The following CNTN4 variants were observed in gnomAD, a reference collection of about 807,000 sequenced individuals.
CNTN4 encodes the protein contactin-4.
A neutral mutation model predicts 122.5 loss-of-function variants in CNTN4; 77 were observed. That is an observed-to-expected ratio of 0.63 (90% CI 0.52 to 0.76). The LOEUF is 0.76. CNTN4 is among the 30% of genes least tolerant of loss of function. The probability of loss-of-function intolerance (pLI) is 0.00; values close to 1 mark genes in which losing one functional copy is unlikely to be tolerated. For missense variants in CNTN4, 1,256 were observed against 1,259.1 expected (o/e 1.00, Z 0.04); for synonymous variants, 512 against 447.0 (o/e 1.15, Z -1.83).
intron 14 of CNTN4, among the ~76,000 whole-genome samples, chr3:3,021,803 G>C (rs891519410): frequency 1.6e-4 from 25 of 152,226 alleles, no homozygotes; most frequent in Non-Finnish European, 1.6e-4. Context: ...CTATCAGCCA[G>C]GTATGGCGGC....
chr3:2,365,474 A>G (rs1344714753), intron 3 of CNTN4, among the ~76,000 whole-genome samples: 1 of 152,220 alleles, frequency 6.6e-6, no homozygotes, highest in African/African-American at 2.4e-5. Context: ...CATTGAACAC[A>G]AATTTATCTT....
chr3:2,200,777 G>T (rs780914572), intron 2 of CNTN4, among the ~76,000 whole-genome samples: 2 of 152,130 alleles, frequency 1.3e-5, no homozygotes, highest in African/African-American at 2.4e-5. Context: ...CTTCTCTCCT[G>T]GTCCTGAATG....
chr3:2,998,287 G>A (rs9827560), intron 14 of CNTN4, among the ~76,000 whole-genome samples: 17,079 of 152,098 alleles, frequency 0.11, 2,873 homozygotes, highest in African/African-American at 0.37. Context: ...TAGTCAAAAG[G>A]TACAAAAGAC....
chr3:2,856,038 C>A (rs1390766098), intron 7 of CNTN4, among the ~76,000 whole-genome samples: 1 of 152,142 alleles, frequency 6.6e-6, no homozygotes, highest in East Asian at 1.9e-4. Context: ...CAAGCGACTT[C>A]TTTCTCAACT....
intron 2 of CNTN4, among the ~76,000 whole-genome samples, chr3:2,163,544 T>C (rs1377542724): frequency 6.6e-6 from 1 of 151,798 alleles, no homozygotes; most frequent in Non-Finnish European, 1.5e-5. Flanking sequence ...GCAAAAGAAA[T>C]AGTCAGCAAG....
chr3:2,555,483 G>T (rs965959782), intron 3 of CNTN4, among the ~76,000 whole-genome samples: 2 of 152,172 alleles, frequency 1.3e-5, no homozygotes, highest in East Asian at 3.8e-4. Flanking sequence ...AAAGACAAAG[G>T]TTAGAATATT....
intron 2 of CNTN4, among the ~76,000 whole-genome samples, chr3:2,214,339 T>C (rs2038744334): frequency 6.6e-6 from 1 of 152,112 alleles, no homozygotes; most frequent in Admixed American, 6.6e-5. Context: ...AGACACCTGA[T>C]GAGTAGATTA....
At chr3:2,760,608 AT>A (rs1482930120) in intron 6 of CNTN4, among the ~76,000 whole-genome samples, 1 of 152,182 alleles carries the variant, frequency 6.6e-6, no homozygotes, top group African/African-American at 2.4e-5. Context: ...AAGTTTTGAA[AT>A]TGGGAGGCAG....
chr3:2,688,227 A>G (rs777451112), intron 4 of CNTN4, among the ~76,000 whole-genome samples: 3 of 152,108 alleles, frequency 2.0e-5, no homozygotes, highest in Non-Finnish European at 4.4e-5. Context: ...ATTTCTACCT[A>G]TTGAGAGAAA....
chr3:3,043,401 G>A (rs1700340268), intron 22 of CNTN4, among the ~76,000 whole-genome samples, 191 bp from the exon 23 acceptor site: 1 of 152,118 alleles, frequency 6.6e-6, no homozygotes, highest in Admixed American at 6.6e-5. Flanking sequence ...AGCTATAAAT[G>A]TTAGGCGACC....
intron 2 of CNTN4, among the ~76,000 whole-genome samples, chr3:2,335,555 C>T (rs1011823936): frequency 3.4e-5 from 5 of 147,368 alleles, no homozygotes; most frequent in Non-Finnish European, 5.9e-5. Flanking sequence ...TAAAGCAGCA[C>T]AAAAGCGGCC....
At chr3:2,330,492 G>A (rs912323958) in intron 2 of CNTN4, among the ~76,000 whole-genome samples, 1 of 152,088 alleles carries the variant, frequency 6.6e-6, no homozygotes, top group African/African-American at 2.4e-5. Flanking sequence ...AGATTCCAGG[G>A]ATTTTAGGAG....
intron 2 of CNTN4, among the ~76,000 whole-genome samples, chr3:2,192,780 C>T (rs1047854310): frequency 2.6e-5 from 4 of 152,102 alleles, no homozygotes; most frequent in African/African-American, 9.7e-5. Context: ...TTCTCTTCTA[C>T]TTTCTAACTT....
intron 3 of CNTN4, among the ~76,000 whole-genome samples, chr3:2,464,711 G>A (rs1351633889): frequency 6.6e-6 from 1 of 152,202 alleles, no homozygotes; most frequent in Non-Finnish European, 1.5e-5. Flanking sequence ...GACTACAGTT[G>A]AGACACTCTG....
At position 2,922,686 on chromosome 3, in the gene CNTN4, C is replaced by A. The variant is rs1438411135; in HGVS notation, c.1208-2943C>A. On this transcript the variant is annotated intron_variant, in intron 12 of 24. Coordinates refer to ENST00000418658, the MANE Select transcript of CNTN4 (RefSeq NM_175607.3). ...GGAGTGCAGTGGCACGATCTTGGCT[C>A]ACTGCAATCTCCACCTCCCAGGTTA... Among the ~76,000 whole-genome samples, 5 of 140,512 alleles carry A rather than the reference C, an allele frequency of 3.6e-5. No individual in the cohort carries two copies. In the East Asian group the frequency reaches 1.1e-3, roughly 30 times the overall value. 92.2% of individuals were successfully genotyped at this position (140,512 alleles called of 152,430 possible).
rs1022299057 is a variant in CNTN4 at position 2,662,747 on chromosome 3, C to G, written c.56-73468C>G. On this transcript the variant is annotated intron_variant, in intron 4 of 24. Coordinates refer to ENST00000418658, the MANE Select transcript of CNTN4 (RefSeq NM_175607.3). ...AAGGGCAATCATGGCACTATTGACA[C>G]CCTACGAAAAGTATGATATGGCAAG... is the stretch of plus-strand genomic sequence containing the variant. Among the ~76,000 whole-genome samples, 7 of 152,206 alleles carry G rather than the reference C, an allele frequency of 4.6e-5. 1 individual carries two copies. The highest frequency in any genetic ancestry group is 3.9e-4 in the East Asian group (2 of 5,182).
At chr3:2,428,806 G>T (rs2047945255) in intron 3 of CNTN4, among the ~76,000 whole-genome samples, 1 of 151,964 alleles carries the variant, frequency 6.6e-6, no homozygotes, top group Non-Finnish European at 1.5e-5. Context: ...TTCTCTTCTT[G>T]CTTCATTTCA....
chr3:2,840,613 G>A (rs1421749953), intron 7 of CNTN4, among the ~76,000 whole-genome samples: 2 of 121,806 alleles, frequency 1.6e-5, no homozygotes, highest in Non-Finnish European at 3.6e-5. Context: ...GCGGGAGAAT[G>A]GCGGGAACCC....
chr3:2,170,407 A>AAACTT (rs2036449982), intron 2 of CNTN4, among the ~76,000 whole-genome samples: 1 of 152,218 alleles, frequency 6.6e-6, no homozygotes, highest in African/African-American at 2.4e-5. Flanking sequence ...TAAACTTAGG[A>AAACTT]AACTTAGGAA....
Sources: allele counts gnomAD v4.1 joint callset (sites outside exome capture counted in the v4.1 genomes callset), GRCh38; gene constraint gnomAD v4.1.1; transcripts MANE v1.5; gene names NCBI Gene and HGNC (gene_info 2026-07-23, HGNC 2026-07-21).